Variants in WWTR1 observed in about 807,000 individuals in gnomAD.
WWTR1 encodes WW domain-containing transcription regulator protein 1.
A neutral mutation model predicts 40.1 loss-of-function variants in WWTR1; 13 were observed. The observed-to-expected ratio is 0.32, with a 90% CI of 0.21 to 0.52. The LOEUF is 0.52. Ranked by LOEUF, WWTR1 falls within the 20% of genes least tolerant of loss-of-function variation. The pLI is 0.97. For missense variants in WWTR1, 436 were observed against 523.1 expected, an observed-to-expected ratio of 0.83 and a Z score of 1.63; for synonymous variants, 230 against 210.1, an observed-to-expected ratio of 1.09 and a Z score of -0.82.
At chr3:149,536,368 C>T (rs1576543677) in intron 4 of WWTR1, among the ~76,000 whole-genome samples, 1 of 152,068 alleles carries the variant, frequency 6.6e-6, no homozygotes, top group African/African-American at 2.4e-5. Context: ...TTAAATAGTC[C>T]CCTGTTCTGA....
chr3:149,646,065 T>C (rs1156337052), intron 2 of WWTR1, among the ~76,000 whole-genome samples: 1 of 152,238 alleles, frequency 6.6e-6, no homozygotes, highest in African/African-American at 2.4e-5. Flanking sequence ...ATTTTAAGAC[T>C]GAACCTCTTA....
intron 3 of WWTR1, among the ~76,000 whole-genome samples, chr3:149,566,823 A>AC (rs1560063546): frequency 6.6e-6 from 1 of 151,992 alleles, no homozygotes; most frequent in African/African-American, 2.4e-5. Flanking sequence ...AAAAAAAAAA[A>AC]AAAACACACA....
chr3:149,551,000 T>C (rs1194649795), intron 3 of WWTR1, among the ~76,000 whole-genome samples: 1 of 144,524 alleles, frequency 6.9e-6, no homozygotes, highest in Non-Finnish European at 1.5e-5. Flanking sequence ...CATCATCCTT[T>C]AAGAGTAGAA....
rs189801387 is a variant in WWTR1 at position 149,608,579 on chromosome 3, G to A, written c.432-35579C>T. Among the ~76,000 whole-genome samples the A allele has an allele frequency of 6.6e-5, 10 of 152,050 alleles. No homozygotes were observed. In the East Asian group the frequency reaches 1.6e-3, roughly 24 times the overall value. The stretch of plus-strand genomic sequence containing the variant: ...TTTTTTGTATTTTTAGTAGAGATGG[G>A]GGTTTCACCATACTGGCCAGGCTGG... On this transcript the variant is annotated intron_variant, in intron 2 of 6. Transcript: ENST00000360632.
intron 2 of WWTR1, among the ~76,000 whole-genome samples, chr3:149,586,349 C>T (rs983431879): frequency 2.6e-5 from 4 of 151,812 alleles, no homozygotes; most frequent in African/African-American, 9.7e-5. Flanking sequence ...TGGCTGGTCA[C>T]TTTTCTAACT....
chr3:149,614,876 G>A (rs1312091359), intron 2 of WWTR1, among the ~76,000 whole-genome samples: 8 of 151,972 alleles, frequency 5.3e-5, no homozygotes, highest in Non-Finnish European at 8.8e-5. Context: ...CCAGCTACTC[G>A]GGAGGCTGAG....
intron 4 of WWTR1, among the ~76,000 whole-genome samples, chr3:149,528,426 A>C (rs10513353): frequency 0.19 from 28,559 of 152,200 alleles, 3,960 homozygotes; most frequent in African/African-American, 0.39. Flanking sequence ...CAGGCTCTAC[A>C]TTAAATTGCA....
chr3:149,546,642 C>A (rs980164773), intron 3 of WWTR1, among the ~76,000 whole-genome samples: 2 of 152,122 alleles, frequency 1.3e-5, no homozygotes, highest in Admixed American at 1.3e-4. Flanking sequence ...AGTTTTCCCA[C>A]ATGAATTTAT....
intron 4 of WWTR1, among the ~76,000 whole-genome samples, chr3:149,531,137 G>T (rs1454539960): frequency 2.6e-4 from 40 of 152,130 alleles, no homozygotes; most frequent in Admixed American, 2.6e-3. Context: ...GTTGCGCCAT[G>T]TTGCCCATGC....
chr3:149,616,467 A>C (rs1017121629), intron 2 of WWTR1, among the ~76,000 whole-genome samples: 2 of 141,922 alleles, frequency 1.4e-5, no homozygotes, highest in African/African-American at 5.3e-5. Flanking sequence ...TCCGAGGTGG[A>C]GTTTCACTCT....
intron 5 of WWTR1, among the ~76,000 whole-genome samples, chr3:149,713,008 C>G (rs1211396645): frequency 6.6e-6 from 1 of 152,136 alleles, no homozygotes; most frequent in Non-Finnish European, 1.5e-5. Flanking sequence ...CACTTTTTCT[C>G]TCCACCCACA....
At chr3:149,625,755 T>TA (rs1383344931) in intron 2 of WWTR1, among the ~76,000 whole-genome samples, 1 of 151,622 alleles carries the variant, frequency 6.6e-6, no homozygotes, top group African/African-American at 2.4e-5. Flanking sequence ...TGCACCACTG[T>TA]ACTCCAGCCT....
rs377707872 is a variant in WWTR1, at chr3:149,688,324, C to T, written c.-108+14800G>A. 3.0e-4 allele frequency among the ~76,000 whole-genome samples: 45 copies of T among 152,148 alleles called. No homozygotes were observed. In the South Asian group the frequency reaches 8.5e-3, roughly 29 times the overall value. On this transcript the variant is annotated intron_variant, in intron 1 of 7. Coordinates refer to the WWTR1 transcript ENST00000465804. ...GGCAATAATTGACACAGGCCTTGGG[C>T]GAGACCCAGTACTTTACTGGCTTTA...
chr3:149,669,364 A>G (rs1164459332), intron 2 of WWTR1, among the ~76,000 whole-genome samples: 1 of 152,216 alleles, frequency 6.6e-6, no homozygotes, highest in Admixed American at 6.5e-5. Context: ...CTAGTCTGGG[A>G]ACAAGAGTGC....
intron 3 of WWTR1, among the ~76,000 whole-genome samples, chr3:149,560,424 C>T (rs1191398364): frequency 1.3e-5 from 2 of 152,152 alleles, no homozygotes; most frequent in African/African-American, 4.8e-5. Flanking sequence ...GGAAGGTGTC[C>T]AGAAACCTCC....
intron 3 of WWTR1, among the ~76,000 whole-genome samples, chr3:149,548,841 T>C (rs1489377935): frequency 2.0e-5 from 3 of 152,208 alleles, no homozygotes; most frequent in Non-Finnish European, 4.4e-5. Context: ...TTAGAATATG[T>C]GGTTTTGTTA....
intron 2 of WWTR1, among the ~76,000 whole-genome samples, chr3:149,600,550 T>C (rs1352208146): frequency 5.3e-5 from 8 of 152,144 alleles, no homozygotes; most frequent in African/African-American, 1.7e-4. Context: ...TAAAATAAAA[T>C]TGATAATAAG....
chr3:149,660,618 G>GT (rs1415068791), upstream of WWTR1, among the ~76,000 whole-genome samples: 1 of 152,212 alleles, frequency 6.6e-6, no homozygotes, highest in African/African-American at 2.4e-5. Context: ...GGTACTGCCC[G>GT]TAAGAGGCAG....
rs527997332 is a variant in WWTR1, at chr3:149,647,319, G to A, written c.431+9557C>T. Among the ~76,000 whole-genome samples the A allele has an allele frequency of 5.3e-5, 8 of 152,074 alleles. No individual in the cohort carries two copies. The South Asian group carries it at 1.5e-3, about 28-fold the overall frequency. ...TAAAAACTTTTTTTTTTAATTTAAA[G>A]AAGTCACCTGAAAACATGAACTTTC... On this transcript the variant is annotated intron_variant, in intron 2 of 6. Transcript: ENST00000360632.
Sources: allele counts gnomAD v4.1 joint callset (sites outside exome capture counted in the v4.1 genomes callset), GRCh38; gene constraint gnomAD v4.1.1; transcripts MANE v1.5; gene names NCBI Gene and HGNC (gene_info 2026-07-23, HGNC 2026-07-21).